The following SENP1 variants were observed in gnomAD, a reference collection of about 807,000 sequenced individuals.
SENP1 encodes the protein SUMO specific peptidase 1, also known as sentrin-specific protease 1.
Under a neutral mutation model 93.0 loss-of-function variants are expected in SENP1, and 21 were observed. The ratio of observed to expected loss-of-function variants is 0.23; its 90% CI spans 0.16 to 0.33. SENP1 has a LOEUF of 0.33. Ranked by LOEUF, SENP1 falls within the 10% of genes least tolerant of loss-of-function variation. The pLI, the probability that SENP1 is intolerant of heterozygous loss-of-function variation, is 1.00. For synonymous variants in SENP1, 256 were observed against 259.6 expected (o/e 0.99, Z 0.13); for missense variants, 591 against 758.7 (o/e 0.78, Z 2.60).
chr12:48,065,328 T>A (rs192874712), intron 11 of SENP1, 108 bp from the exon 12 acceptor site: 1 of 913,874 alleles, frequency 1.1e-6, no homozygotes, highest in Non-Finnish European at 1.6e-6. Context: ...AAGAGCGTGC[T>A]TAAATGCCCA....
At chr12:48,085,380 C>T (rs562733429) in intron 5 of SENP1, 9 of 1,334,910 alleles carry the variant, frequency 6.7e-6, no homozygotes, top group Admixed American at 3.5e-5. Context: ...CTCCACCCTG[C>T]GGAGGGCCAG....
chr12:48,095,064 C>T (rs1945464128), intron 4 of SENP1, among the ~76,000 whole-genome samples: 1 of 152,084 alleles, frequency 6.6e-6, no homozygotes, highest in Non-Finnish European at 1.5e-5. Context: ...GTCCAGTGCC[C>T]AGGGCAGATA....
intron 6 of SENP1, among the ~76,000 whole-genome samples, chr12:48,078,892 A>G (rs1034888029): frequency 2.0e-5 from 3 of 152,236 alleles, no homozygotes; most frequent in Admixed American, 1.3e-4. Flanking sequence ...GCTCACTCCT[A>G]TAATTCCAAC....
intron 9 of SENP1, among the ~76,000 whole-genome samples, chr12:48,067,216 G>A (rs1213234748): frequency 6.6e-6 from 1 of 152,192 alleles, no homozygotes; most frequent in Admixed American, 6.5e-5. Context: ...AAGTTCAGCA[G>A]AGATACTACA....
chr12:48,077,011 T>G (rs908837052), intron 6 of SENP1, among the ~76,000 whole-genome samples: 1 of 152,218 alleles, frequency 6.6e-6, no homozygotes, highest in Admixed American at 6.5e-5. Flanking sequence ...GTGTCCACTA[T>G]TCCCATCTTT....
intron 11 of SENP1, 94 bp downstream of exon 11, chr12:48,065,502 C>A (rs1460603910): frequency 3.8e-6 from 3 of 799,844 alleles, no homozygotes; most frequent in East Asian, 2.7e-5. Flanking sequence ...CTTGGAATTA[C>A]AACAGCAATT....
chr12:48,097,788 A>C, intron 3 of SENP1: 1 of 444,324 alleles, frequency 2.3e-6, no homozygotes, highest in South Asian at 4.0e-5. Context: ...TACTGTTCTC[A>C]AAGAACTCAT....
At chr12:48,048,101 C>A (rs1480604488) in intron 14 of SENP1, 21 bp from the exon 15 acceptor site, 21 of 1,523,678 alleles carry the variant, frequency 1.4e-5, no homozygotes, top group Non-Finnish European at 1.9e-5. Flanking sequence ...GAAAAAAAGT[C>A]TCTGTGTTTA....
At chr12:48,105,894 G>A (rs572856071) in intron 1 of SENP1, 134 bp downstream of exon 1, 1 of 621,596 alleles carries the variant, frequency 1.6e-6, no homozygotes, top group African/African-American at 1.8e-5. Flanking sequence ...CGGGGCAGAG[G>A]AAAAGGCGCC....
intron 6 of SENP1, chr12:48,081,517 G>A (rs1372358541): frequency 2.0e-5 from 3 of 150,474 alleles, no homozygotes; most frequent in Non-Finnish European, 4.4e-5. Context: ...CCCTTGCCCT[G>A]CTAAATGACT....
intron 13 of SENP1, among the ~76,000 whole-genome samples, chr12:48,053,463 G>C (rs1941972674): frequency 7.0e-6 from 1 of 142,396 alleles, no homozygotes; most frequent in Admixed American, 7.2e-5. Flanking sequence ...GGATTACAGA[G>C]TGAGACCCTG....
chr12:48,089,032 C>T, intron 4 of SENP1, 72 bp from the exon 5 acceptor site: 1 of 1,538,504 alleles, frequency 6.5e-7, no homozygotes, highest in Non-Finnish European at 8.8e-7. Context: ...CAACCATGAC[C>T]AACCATTGTA....
At chr12:48,078,317 T>TTTTATATATATATATATATA (rs1944243783) in intron 6 of SENP1, among the ~76,000 whole-genome samples, 4 of 70,742 alleles carry the variant, frequency 5.7e-5, no homozygotes, top group Non-Finnish European at 8.5e-5. Context: ...CTGTAGGATT[T>TTTTATATATATATATATATA]TATATATATA....
intron 13 of SENP1, among the ~76,000 whole-genome samples, chr12:48,055,825 AT>A (rs1942210344): frequency 6.9e-6 from 1 of 144,252 alleles, no homozygotes. Flanking sequence ...ATTAATATAT[AT>A]TTTATATATT....
intron 5 of SENP1, chr12:48,085,100 C>A: frequency 1.5e-6 from 2 of 1,379,250 alleles, no homozygotes; most frequent in Non-Finnish European, 2.1e-6. Flanking sequence ...TGATCAGAGA[C>A]AAGGACACGG....
At chr12:48,063,618 T>C (rs955778400) in intron 13 of SENP1, 92 bp downstream of exon 13, 2 of 1,307,274 alleles carry the variant, frequency 1.5e-6, no homozygotes, top group African/African-American at 1.5e-5. Flanking sequence ...AGGTCATCCA[T>C]GGACCACATT....
At position 48,070,190 on chromosome 12, in the gene SENP1, A is replaced by G. The variant is rs1257439391; in HGVS notation, c.995+1477T>C. Among the ~76,000 whole-genome samples the G allele has an allele frequency of 2.0e-5, 3 of 152,192 alleles. No homozygotes were observed. The South Asian group carries it at 6.2e-4, about 31-fold the overall frequency. ...ACATTCCAGGCAAAAAGAACACTGA[A>G]TGTGAAGGTAAGAAATGCTTATTGT... On this transcript the variant is annotated intron_variant, in intron 9 of 17. Transcript: ENST00000549518.
At chr12:48,103,484 T>G (rs1946096610) in intron 1 of SENP1, among the ~76,000 whole-genome samples, 1 of 152,174 alleles carries the variant, frequency 6.6e-6, no homozygotes, top group Non-Finnish European at 1.5e-5. Flanking sequence ...TTTAAATAAT[T>G]AAAACCCCAC....
At chr12:48,100,413 G>A (rs537424823) in intron 2 of SENP1, among the ~76,000 whole-genome samples, 8 of 152,164 alleles carry the variant, frequency 5.3e-5, no homozygotes, top group South Asian at 2.1e-4. Context: ...GGCGGATCAC[G>A]TGAGGTCAGG....
Sources: allele counts gnomAD v4.1 joint callset (sites outside exome capture counted in the v4.1 genomes callset), GRCh38; gene constraint gnomAD v4.1.1; transcripts MANE v1.5; gene names NCBI Gene and HGNC (gene_info 2026-07-23, HGNC 2026-07-21).